The following GSE1 variants were observed in gnomAD, a reference collection of about 807,000 sequenced individuals.
GSE1 encodes genetic suppressor element 1.
GSE1 carries 32 observed loss-of-function variants against 112.6 expected under a neutral mutation model. That is an observed-to-expected ratio of 0.28 (90% CI 0.21 to 0.38). The LOEUF (loss-of-function observed/expected upper bound fraction) is 0.38, where lower values mean the gene tolerates loss of function less well. Ranked by LOEUF, GSE1 falls within the 10% of genes least tolerant of loss-of-function variation. GSE1 has a pLI of 1.00. For synonymous variants in GSE1, 1,115 were observed against 735.6 expected (o/e 1.52, Z -8.35); for missense variants, 2,348 against 1,699.2 (o/e 1.38, Z -6.71).
intron 1 of GSE1, among the ~76,000 whole-genome samples, chr16:85,250,599 C>G (rs995917101): frequency 6.6e-6 from 1 of 152,304 alleles, no homozygotes; most frequent in South Asian, 2.1e-4. Context: ...TCAAAAATAC[C>G]CCAATGTATG....
At chr16:85,604,638 G>T (rs1271609740) in intron 1 of GSE1, among the ~76,000 whole-genome samples, 1 of 138,150 alleles carries the variant, frequency 7.2e-6, no homozygotes, top group East Asian at 2.3e-4. Context: ...TTTTAAAGAT[G>T]CACCTTCTGA....
intron 1 of GSE1, among the ~76,000 whole-genome samples, chr16:85,210,094 C>A (rs1192793103): frequency 3.3e-5 from 5 of 152,178 alleles, no homozygotes; most frequent in Non-Finnish European, 5.9e-5. Context: ...AAATATGGCT[C>A]ATTCATATTG....
intron 1 of GSE1, among the ~76,000 whole-genome samples, chr16:85,223,102 C>G (rs1597835860): frequency 6.6e-6 from 1 of 152,128 alleles, no homozygotes; most frequent in Non-Finnish European, 1.5e-5. Flanking sequence ...GCTGCCATAC[C>G]CATTTGTCTT....
chr16:85,597,965 G>T (rs2047303811), intron 1 of GSE1, among the ~76,000 whole-genome samples: 1 of 151,916 alleles, frequency 6.6e-6, no homozygotes, highest in Non-Finnish European at 1.5e-5. Context: ...TATTCAGAAG[G>T]GTGTCCTGCT....
intron 1 of GSE1, among the ~76,000 whole-genome samples, chr16:85,633,393 C>T (rs1460350029): frequency 6.6e-6 from 1 of 152,208 alleles, no homozygotes; most frequent in Non-Finnish European, 1.5e-5. Context: ...GGGCAGAACT[C>T]CCGCCAGTCT....
At position 85,657,377 on chromosome 16, in the gene GSE1, C is replaced by G. The variant is rs1598634286; in HGVS notation, c.1413C>G (p.Asn471Lys). The G allele has an allele frequency of 1.2e-6, 2 of 1,612,486 alleles. No individual in the cohort carries two copies. The highest frequency in any genetic ancestry group is 3.3e-5 in the Admixed American group (2 of 59,962). The change falls in exon 8 of 16, where the codon AAC (asparagine) becomes AAG (lysine). Residue 471 changes from asparagine (N) to lysine (K), a missense_variant. Transcript: ENST00000253458. ...PHHTVPSLIS[N>K]HGIFSLPSSS... ...ACACGGTGCCCAGCCTCATCTCCAACCATGGCATCTTCTCTCTGCCTAGCA... is the reference window on the plus strand; with the variant it reads ...ACACGGTGCCCAGCCTCATCTCCAAGCATGGCATCTTCTCTCTGCCTAGCA...
At chr16:85,195,827 TAC>T (rs1256969556) in intron 1 of GSE1, among the ~76,000 whole-genome samples, 2 of 152,196 alleles carry the variant, frequency 1.3e-5, no homozygotes, top group African/African-American at 4.8e-5. Context: ...TAATTCCATT[TAC>T]ACAGAGTTAA....
At chr16:85,609,365 C>T (rs2047860708), upstream of GSE1, among the ~76,000 whole-genome samples, 1 of 152,234 alleles carries the variant, frequency 6.6e-6, no homozygotes, top group African/African-American at 2.4e-5. Context: ...TCGCGAGTAG[C>T]TGGGACCACA....
intron 1 of GSE1, among the ~76,000 whole-genome samples, chr16:85,356,463 C>G (rs2151569901): frequency 6.6e-6 from 1 of 152,308 alleles, no homozygotes; most frequent in South Asian, 2.1e-4. Context: ...GTTCTGTGCT[C>G]CCTTTGACTC....
chr16:85,634,803 C>T (rs184887546), intron 2 of GSE1, among the ~76,000 whole-genome samples: 1 of 152,290 alleles, frequency 6.6e-6, no homozygotes, highest in African/African-American at 2.4e-5. Flanking sequence ...TTGGCTCTGG[C>T]TCTGGGGTAC....
chr16:85,408,212 T>C (rs188819896), intron 2 of GSE1, among the ~76,000 whole-genome samples: 1 of 14,852 alleles, frequency 6.7e-5, no homozygotes, highest in African/African-American at 4.9e-4. Flanking sequence ...TAATACTCAC[T>C]GTTACTCTCA....
intron 1 of GSE1, among the ~76,000 whole-genome samples, chr16:85,322,048 C>G (rs1363689713): frequency 6.6e-6 from 1 of 152,220 alleles, no homozygotes; most frequent in Non-Finnish European, 1.5e-5. Context: ...TAGGGGCTGG[C>G]GTGGAGCCTG....
intron 12 of GSE1, among the ~76,000 whole-genome samples, chr16:85,665,604 G>A (rs1598690314): frequency 1.3e-5 from 2 of 151,380 alleles, no homozygotes; most frequent in South Asian, 4.2e-4. Context: ...TTACAGTTCT[G>A]GCTGGCCTCT....
chr16:85,536,720 T>C (rs1050368376), intron 2 of GSE1, among the ~76,000 whole-genome samples: 1 of 152,244 alleles, frequency 6.6e-6, no homozygotes, highest in East Asian at 1.9e-4. Context: ...TGGCCTGGAA[T>C]GGCCATGTCA....
intron 1 of GSE1, among the ~76,000 whole-genome samples, chr16:85,624,686 C>G (rs1303815934): frequency 6.6e-6 from 1 of 152,232 alleles, no homozygotes; most frequent in African/African-American, 2.4e-5. Flanking sequence ...TCTCCAGCCT[C>G]CGTTCAGCCT....
At chr16:85,642,954 G>A (rs533852184) in intron 2 of GSE1, among the ~76,000 whole-genome samples, 26 of 152,274 alleles carry the variant, frequency 1.7e-4, no homozygotes, top group African/African-American at 6.3e-4. Context: ...GAGTGGTCCT[G>A]TGGCGTGGCC....
At chr16:85,550,235 A>G (rs1400833013) in intron 2 of GSE1, among the ~76,000 whole-genome samples, 2 of 152,126 alleles carry the variant, frequency 1.3e-5, no homozygotes, top group Non-Finnish European at 2.9e-5. Context: ...GGTAATGAAC[A>G]TGCACTCTGG....
At chr16:85,352,730 A>T (rs1187129038) in intron 1 of GSE1, among the ~76,000 whole-genome samples, 1 of 152,210 alleles carries the variant, frequency 6.6e-6, no homozygotes, top group Non-Finnish European at 1.5e-5. Context: ...GAGATAATCC[A>T]TAATCACAAA....
At chr16:85,635,151 T>A (rs2049883534) in intron 2 of GSE1, among the ~76,000 whole-genome samples, 1 of 152,206 alleles carries the variant, frequency 6.6e-6, no homozygotes, top group Admixed American at 6.5e-5. Context: ...GGGGGACTTC[T>A]CATTTCTGAA....
Sources: gnomAD v4.1 joint callset for allele counts (sites outside exome capture counted in the v4.1 genomes callset) on GRCh38, gnomAD v4.1.1 for gene constraint, MANE v1.5 for transcripts, NCBI Gene and HGNC (gene_info 2026-07-23, HGNC 2026-07-21) for gene names.